The following NF2 variants were observed in gnomAD, a reference collection of about 807,000 sequenced individuals.
NF2 encodes the protein merlin.
Under a neutral mutation model 83.7 loss-of-function variants are expected in NF2, and 8 were observed. The ratio of observed to expected loss-of-function variants is 0.10; its 90% CI spans 0.06 to 0.17. The LOEUF (loss-of-function observed/expected upper bound fraction) is 0.17, where lower values mean the gene tolerates loss of function less well. Among genes scored for constraint, NF2 ranks in the 10% least tolerant of loss-of-function variants. The probability of loss-of-function intolerance (pLI) is 1.00; values close to 1 mark genes in which losing one functional copy is unlikely to be tolerated. For missense variants in NF2, 533 were observed against 744.4 expected (o/e 0.72, Z 3.31); for synonymous variants, 266 against 269.6 (o/e 0.99, Z 0.13).
intron 4 of NF2, among the ~76,000 whole-genome samples, chr22:29,643,121 C>T (rs2065859076): frequency 6.6e-6 from 1 of 151,978 alleles, no homozygotes; most frequent in Non-Finnish European, 1.5e-5. Flanking sequence ...TCCTTGATTA[C>T]TTGTGTGATT....
At chr22:29,673,836 T>TA (rs1414957774) in intron 12 of NF2, among the ~76,000 whole-genome samples, 1 of 152,172 alleles carries the variant, frequency 6.6e-6, no homozygotes, top group Non-Finnish European at 1.5e-5. Flanking sequence ...TTTGTGCATT[T>TA]AAAAAAAGTG....
At chr22:29,613,592 G>A (rs1007473581) in intron 1 of NF2, among the ~76,000 whole-genome samples, 3 of 120,494 alleles carry the variant, frequency 2.5e-5, no homozygotes, top group Non-Finnish European at 5.6e-5. Context: ...TAGATCAGTG[G>A]CATAGAATTG....
At chr22:29,643,962 C>A (rs374862921) in intron 4 of NF2, among the ~76,000 whole-genome samples, 4 of 127,856 alleles carry the variant, frequency 3.1e-5, no homozygotes, top group Non-Finnish European at 5.2e-5. Flanking sequence ...GCTGGCCTGG[C>A]GGGGGGCTGA....
At chr22:29,637,714 A>G (rs2065685825) in intron 2 of NF2, among the ~76,000 whole-genome samples, 1 of 151,056 alleles carries the variant, frequency 6.6e-6, no homozygotes, top group South Asian at 2.1e-4. Flanking sequence ...TACCAGTTTG[A>G]CTCAAAGCTT....
At chr22:29,613,593 C>A (rs1037675999) in intron 1 of NF2, among the ~76,000 whole-genome samples, 3 of 113,802 alleles carry the variant, frequency 2.6e-5, no homozygotes, top group Non-Finnish European at 5.9e-5. Flanking sequence ...AGATCAGTGG[C>A]ATAGAATTGA....
At chr22:29,659,616 G>A (rs143614296) in intron 7 of NF2, among the ~76,000 whole-genome samples, 117 of 152,252 alleles carry the variant, frequency 7.7e-4, no homozygotes, top group African/African-American at 2.6e-3. Context: ...ATTAACTAAG[G>A]AAGATGTATG....
chr22:29,670,153 C>T (rs1397175773), intron 10 of NF2, among the ~76,000 whole-genome samples: 1 of 151,974 alleles, frequency 6.6e-6, no homozygotes, highest in Non-Finnish European at 1.5e-5. Flanking sequence ...TGCATGCTAC[C>T]ACACCTAGTT....
intron 15 of NF2, among the ~76,000 whole-genome samples, chr22:29,687,462 C>G (rs1195751705): frequency 1.3e-5 from 2 of 152,100 alleles, no homozygotes; most frequent in African/African-American, 2.4e-5. Context: ...AAAAAAACAC[C>G]CGGGGAAGTG....
At chr22:29,668,891 C>T (rs1170423751) in intron 10 of NF2, among the ~76,000 whole-genome samples, 1 of 152,242 alleles carries the variant, frequency 6.6e-6, no homozygotes, top group Non-Finnish European at 1.5e-5. Context: ...TGCAATTCCC[C>T]ACTGCAGGTC....
chr22:29,672,256 C>T (rs1456536423), intron 11 of NF2, among the ~76,000 whole-genome samples: 2 of 151,862 alleles, frequency 1.3e-5, no homozygotes, highest in African/African-American at 2.4e-5. Context: ...GTAGCAGCAC[C>T]TCACCCTCCA....
At chr22:29,608,903 G>T in intron 1 of NF2, 1 of 528,642 alleles carries the variant, frequency 1.9e-6, no homozygotes, top group South Asian at 2.3e-5. Context: ...CAGTAGTATG[G>T]CATCGGGCTG....
chr22:29,620,165 A>C (rs959932865), intron 1 of NF2, among the ~76,000 whole-genome samples: 3 of 152,164 alleles, frequency 2.0e-5, no homozygotes, highest in Non-Finnish European at 4.4e-5. Flanking sequence ...AGGTTGAGGC[A>C]GGAGAATTGC....
chr22:29,695,232 A>G lies in NF2; in HGVS notation c.*430A>G, dbSNP rs896337835. 2.2e-5 allele frequency: 8 copies of G among 362,484 alleles called. No individual in the cohort carries two copies. The highest frequency in any genetic ancestry group is 1.4e-4 in the African/African-American group (7 of 49,880). 22.5% of individuals were successfully genotyped at this position (362,484 alleles called of 1,614,324 possible). ...CCCCGCCCAGGGTTCCGGAACATTC[A>G]TTCCCCCACCGGTGAGGACCTGGCA... On this transcript the variant is annotated 3_prime_UTR_variant, in exon 16 of 16. Transcript: ENST00000338641. This position sits in a 1 kb window ranked among gnomAD's most constrained non-coding sequence, Gnocchi z 5.4.
At chr22:29,643,210 A>G (rs1358653777) in intron 4 of NF2, among the ~76,000 whole-genome samples, 2 of 151,306 alleles carry the variant, frequency 1.3e-5, no homozygotes, top group African/African-American at 4.9e-5. Context: ...TGAACTCCTG[A>G]GCTCAAGTGA....
intron 7 of NF2, among the ~76,000 whole-genome samples, chr22:29,659,940 T>C (rs996926470): frequency 2.6e-5 from 4 of 152,170 alleles, no homozygotes; most frequent in Admixed American, 6.5e-5. Context: ...AGTAAAAAGA[T>C]TTATGCTGGA....
intron 1 of NF2, among the ~76,000 whole-genome samples, chr22:29,605,256 C>T (rs563107850): frequency 6.6e-6 from 1 of 151,972 alleles, no homozygotes; most frequent in South Asian, 2.1e-4. Flanking sequence ...ACCTCCACTT[C>T]CAGGTTCAAG....
At chr22:29,655,713 G>T (rs2146974662) in intron 6 of NF2, 37 bp downstream of exon 6, 1 of 1,511,268 alleles carries the variant, frequency 6.6e-7, no homozygotes. Flanking sequence ...ATTCCTTTAT[G>T]GGCTTTTTTT....
rs995778384 is a variant in NF2 at position 29,696,715 on chromosome 22, C to T, written c.*1913C>T. Reference sequence around the variant, plus strand: ...TAGAGCGTAAGTATGGATGTTGTGGCCCTGTGTCTTCCTAGTGTGACCCAG... The same window carrying T: ...TAGAGCGTAAGTATGGATGTTGTGGTCCTGTGTCTTCCTAGTGTGACCCAG... On this transcript the variant is annotated 3_prime_UTR_variant, in exon 16 of 16. Transcript: ENST00000338641. 10 of 223,296 alleles carry T rather than the reference C, an allele frequency of 4.5e-5. No homozygotes were observed. Among genetic ancestry groups the T allele is most frequent in the Admixed American group, 1.1e-4 (2 of 17,450 alleles). 13.8% of individuals were successfully genotyped at this position (223,296 alleles called of 1,614,324 possible).
intron 10 of NF2, among the ~76,000 whole-genome samples, chr22:29,668,816 A>G (rs887708380): frequency 6.6e-6 from 1 of 152,158 alleles, no homozygotes; most frequent in African/African-American, 2.4e-5. Context: ...TTTTCTAATT[A>G]GATGGTGATA....
Sources: gnomAD v4.1 joint callset for allele counts (sites outside exome capture counted in the v4.1 genomes callset) on GRCh38, gnomAD v4.1.1 for gene constraint, Gnocchi (gnomAD v3.1) non-coding constraint, MANE v1.5 for transcripts, NCBI Gene and HGNC (gene_info 2026-07-23, HGNC 2026-07-21) for gene names.